Variants in FNBP1 observed in about 807,000 individuals in gnomAD.
FNBP1 encodes the protein formin-binding protein 1.
A neutral mutation model predicts 90.6 loss-of-function variants in FNBP1; 26 were observed. The observed-to-expected ratio is 0.29, with a 90% confidence interval of 0.21 to 0.40. The LOEUF is 0.40. Among genes scored for constraint, FNBP1 ranks in the 10% least tolerant of loss-of-function variants. FNBP1 has a pLI of 1.00. For missense variants in FNBP1, 635 were observed against 768.0 expected, an observed-to-expected ratio of 0.83 and a Z score of 2.05; for synonymous variants, 260 against 265.2, an observed-to-expected ratio of 0.98 and a Z score of 0.19.
intron 16 of FNBP1, among the ~76,000 whole-genome samples, chr9:129,894,570 T>C (rs1478549278): frequency 6.6e-6 from 1 of 152,220 alleles, no homozygotes; most frequent in Non-Finnish European, 1.5e-5. Context: ...GATCTGTGTC[T>C]GTGGGGAGAA....
At position 129,958,518 on chromosome 9, in the gene FNBP1, G is replaced by T. The variant is rs775840138; in HGVS notation, c.381C>A (p.Ile127=). 2 of 1,599,428 alleles carry T rather than the reference G, an allele frequency of 1.3e-6. No homozygotes were observed. Among genetic ancestry groups the T allele is most frequent in the South Asian group, 2.3e-5 (2 of 88,616 alleles). The part of the protein sequence containing the change: ...FHDGRKAQQH[I]ETCWKQLESS... ...ATTCAAGCTGCTTCCAGCAAGTCTC[G>T]ATGTGCTGCTGTGCTTTACGGCCAT... Residue 127 remains isoleucine, a synonymous_variant, in exon 5 of 17, where the codon ATC becomes ATA. Coordinates refer to ENST00000446176, the MANE Select transcript of FNBP1 (RefSeq NM_015033.3).
chr9:130,042,663 C>T lies in FNBP1; in HGVS notation c.24+289G>A, dbSNP rs2059936550. Among the ~76,000 whole-genome samples, 1 of 151,688 alleles carries T rather than the reference C, an allele frequency of 6.6e-6. No homozygotes were observed. The highest frequency in any genetic ancestry group is 2.1e-4 in the South Asian group (1 of 4,834). ...GGATTAGGGCTCGGCCCGACACACACGGCCCGCTCCGGGGCGCCGGGGACA... is the reference window on the plus strand; with the variant it reads ...GGATTAGGGCTCGGCCCGACACACATGGCCCGCTCCGGGGCGCCGGGGACA... On this transcript the variant is annotated intron_variant, in intron 1 of 16. Transcript: ENST00000446176. The surrounding 1 kb of genome is among the most constrained non-coding windows in gnomAD (Gnocchi z 5.5).
intron 1 of FNBP1, among the ~76,000 whole-genome samples, chr9:129,995,548 G>C (rs947926411): frequency 6.6e-6 from 1 of 152,100 alleles, no homozygotes; most frequent in African/African-American, 2.4e-5. Flanking sequence ...TTCTGGTCTG[G>C]AAGAACAAGA....
chr9:129,935,259 G>A (rs1416340831), intron 6 of FNBP1, among the ~76,000 whole-genome samples: 1 of 151,552 alleles, frequency 6.6e-6, no homozygotes, highest in Non-Finnish European at 1.5e-5. Flanking sequence ...CAAATGCTGG[G>A]ATTACAGGCA....
At chr9:130,016,195 T>C (rs549264901) in intron 1 of FNBP1, among the ~76,000 whole-genome samples, 6 of 152,308 alleles carry the variant, frequency 3.9e-5, no homozygotes, top group African/African-American at 1.4e-4. Context: ...AATTCATATG[T>C]TGAAACCTAA....
chr9:130,039,216 T>C (rs1260722591), intron 1 of FNBP1, among the ~76,000 whole-genome samples: 1 of 152,258 alleles, frequency 6.6e-6, no homozygotes, highest in Non-Finnish European at 1.5e-5. Flanking sequence ...TCCACGTAGA[T>C]ATCTTTCAAT....
At chr9:129,929,403 C>A (rs1364355048) in intron 7 of FNBP1, among the ~76,000 whole-genome samples, 164 bp downstream of exon 7, 1 of 85,600 alleles carries the variant, frequency 1.2e-5, no homozygotes, top group Non-Finnish European at 2.1e-5. Flanking sequence ...AAGCAAGACT[C>A]TGTCTCAAAA....
At chr9:129,944,488 C>A (rs973648225) in intron 6 of FNBP1, among the ~76,000 whole-genome samples, 2 of 150,418 alleles carry the variant, frequency 1.3e-5, no homozygotes, top group African/African-American at 4.9e-5. Context: ...TTGCAGTGAG[C>A]CGAGATCATG....
chr9:130,035,900 C>T (rs1021941233), intron 1 of FNBP1, among the ~76,000 whole-genome samples: 2 of 152,054 alleles, frequency 1.3e-5, no homozygotes, highest in Non-Finnish European at 2.9e-5. Context: ...GAGCTGAGAT[C>T]GTGCCATTGC....
At chr9:129,895,451 G>T in intron 16 of FNBP1, 1 of 1,123,610 alleles carries the variant, frequency 8.9e-7, no homozygotes, top group Non-Finnish European at 1.1e-6. Flanking sequence ...ACAAGAGTAG[G>T]GAAGTCTTTG....
chr9:129,950,950 C>T (rs946187271), intron 6 of FNBP1, among the ~76,000 whole-genome samples: 12 of 145,246 alleles, frequency 8.3e-5, no homozygotes, highest in East Asian at 4.0e-4. Context: ...CAAACCATCA[C>T]GCTCAGCTAA....
intron 2 of FNBP1, among the ~76,000 whole-genome samples, chr9:129,989,035 T>C (rs1397724507): frequency 2.0e-5 from 3 of 152,210 alleles, no homozygotes; most frequent in Non-Finnish European, 4.4e-5. Flanking sequence ...TTTCTATTCC[T>C]TCTACATGTT....
rs576961464 is a variant in FNBP1, at chr9:129,934,086, T to C, written c.514-4391A>G. 2.6e-5 allele frequency among the ~76,000 whole-genome samples: 4 copies of C among 152,342 alleles called. No homozygotes were observed. In the South Asian group the frequency reaches 8.3e-4, roughly 32 times the overall value. ...AGAACTTATTTGGGATAACAGTTAATGGTATTTTGGAGACTATCTCCTAAT... is the reference window on the plus strand; with the variant it reads ...AGAACTTATTTGGGATAACAGTTAACGGTATTTTGGAGACTATCTCCTAAT... On this transcript the variant is annotated intron_variant, in intron 6 of 16. Transcript: ENST00000446176.
At chr9:129,972,213 A>C (rs1292937680) in intron 4 of FNBP1, among the ~76,000 whole-genome samples, 1 of 152,254 alleles carries the variant, frequency 6.6e-6, no homozygotes, top group South Asian at 2.1e-4. Flanking sequence ...AGCTCACTGC[A>C]ACCTCTGCCT....
chr9:130,027,599 G>A (rs1368051700), intron 1 of FNBP1, among the ~76,000 whole-genome samples: 2 of 152,104 alleles, frequency 1.3e-5, no homozygotes, highest in African/African-American at 4.8e-5. Context: ...ATTTTATCAT[G>A]GGTCAGGAAT....
At chr9:130,030,712 G>A (rs1421970058) in intron 1 of FNBP1, among the ~76,000 whole-genome samples, 3 of 152,076 alleles carry the variant, frequency 2.0e-5, no homozygotes. Flanking sequence ...GAGAACGTAC[G>A]GATCAGCCAA....
intron 1 of FNBP1, among the ~76,000 whole-genome samples, chr9:130,032,474 A>C (rs867349470): frequency 4.6e-5 from 7 of 152,184 alleles, no homozygotes; most frequent in Admixed American, 1.3e-4. Flanking sequence ...CCTGGCCAAT[A>C]AGTAAAATGT....
intron 16 of FNBP1, among the ~76,000 whole-genome samples, chr9:129,891,062 G>A (rs1026032676): frequency 4.0e-5 from 6 of 151,294 alleles, no homozygotes; most frequent in African/African-American, 1.5e-4. Flanking sequence ...GGCTGAGGCA[G>A]AAGAATCGCT....
intron 16 of FNBP1, among the ~76,000 whole-genome samples, chr9:129,894,023 A>G (rs2035404228): frequency 6.6e-6 from 1 of 152,044 alleles, no homozygotes; most frequent in Non-Finnish European, 1.5e-5. Context: ...AACCCCTACT[A>G]GGTTCTAGAG....
Sources: gnomAD v4.1 joint callset for allele counts (sites outside exome capture counted in the v4.1 genomes callset) on GRCh38, gnomAD v4.1.1 for gene constraint, Gnocchi (gnomAD v3.1) non-coding constraint, MANE v1.5 for transcripts, NCBI Gene and HGNC (gene_info 2026-07-23, HGNC 2026-07-21) for gene names.